SLC37A2: variants seen among roughly 807,000 people sequenced by gnomAD.
SLC37A2 encodes solute carrier family 37 member 2, also known as glucose-6-phosphate exchanger SLC37A2.
Under a neutral mutation model 70.7 loss-of-function variants are expected in SLC37A2, and 59 were observed. The observed-to-expected ratio is 0.83, with a 90% CI of 0.68 to 1.04. The LOEUF is 1.04. Among genes scored for constraint, SLC37A2 ranks in the 50% least tolerant of loss-of-function variants. The pLI, the probability that SLC37A2 is intolerant of heterozygous loss-of-function variation, is 0.00. For missense variants in SLC37A2, 580 were observed against 658.1 expected (o/e 0.88, Z 1.30); for synonymous variants, 257 against 262.1 (o/e 0.98, Z 0.19).
Position 125,069,984 on chromosome 11 carries a change from C to G in SLC37A2, c.59+6558C>G, listed in dbSNP as rs117426539. 7.0e-4 allele frequency among the ~76,000 whole-genome samples: 107 copies of G among 152,358 alleles called. 2 individuals are homozygous for G. The East Asian group carries it at 0.017, about 25-fold the overall frequency. On this transcript the variant is annotated intron_variant, in intron 1 of 17. Coordinates refer to ENST00000403796, the MANE Select transcript of SLC37A2 (RefSeq NM_001145290.2). ...TCTGTGTGGGTGCGTCTGGGGGCAG[C>G]TGGCAGCATGGGAGATGACTGTGGC...
chr11:125,081,410 T>G lies in SLC37A2; in HGVS notation c.695-11T>G. ...TTGGGAAACTTCTTAGAAAGCGATT[T>G]TTTTTTCTAGACCCAGAAGATGTGG... is the stretch of plus-strand genomic sequence containing the variant. On this transcript the variant is annotated splice_polypyrimidine_tract_variant and intron_variant, in intron 7 of 17. Coordinates refer to ENST00000403796, the MANE Select transcript of SLC37A2 (RefSeq NM_001145290.2). The G allele has an allele frequency of 1.2e-6, 2 of 1,603,908 alleles. No individual in the cohort carries two copies. Among genetic ancestry groups the G allele is most frequent in the Non-Finnish European group, 1.7e-6 (2 of 1,174,940 alleles).
Position 125,083,697 on chromosome 11 carries a change from C to A in SLC37A2, c.977-118C>A. 1 of 907,460 alleles carries A rather than the reference C, an allele frequency of 1.1e-6. No homozygotes were observed. Among genetic ancestry groups the A allele is most frequent in the Non-Finnish European group, 1.8e-6 (1 of 561,938 alleles). 56.2% of individuals were successfully genotyped at this position (907,460 alleles called of 1,614,324 possible). On this transcript the variant is annotated intron_variant, in intron 10 of 17. Coordinates refer to ENST00000403796, the MANE Select transcript of SLC37A2 (RefSeq NM_001145290.2). The surrounding 1 kb of genome is among the most constrained non-coding windows in gnomAD (Gnocchi z 4.6). ...GCCAGCCTGCTCCACAGGTCCCCAG[C>A]TCTTCCTCGGAAAAGGGGGCAGTGG...
Position 125,077,535 on chromosome 11 carries a change from A to T in SLC37A2, c.314+7A>T. ...CCATCGGCATGTTCATCAGGTAAGG[A>T]CAGAGGCTGAGCCTATGACCAAGAG... On this transcript the variant is annotated splice_region_variant and intron_variant, in intron 4 of 17. Coordinates refer to ENST00000403796, the MANE Select transcript of SLC37A2 (RefSeq NM_001145290.2). 2 of 1,611,136 alleles carry T rather than the reference A, an allele frequency of 1.2e-6. No homozygotes were observed. Among genetic ancestry groups the T allele is most frequent in the Non-Finnish European group, 1.7e-6 (2 of 1,177,876 alleles).
chr11:125,086,099 G>T (rs377078801), intron 17 of SLC37A2, 81 bp downstream of exon 17: 5 of 1,549,852 alleles, frequency 3.2e-6, no homozygotes, highest in Non-Finnish European at 4.5e-6. Context: ...TTCTCCAAAC[G>T]CAGGCTGAGG....
intron 1 of SLC37A2, among the ~76,000 whole-genome samples, chr11:125,072,060 C>T (rs568067996): frequency 3.3e-5 from 5 of 151,804 alleles, no homozygotes; most frequent in African/African-American, 4.8e-5. Context: ...ACTGGGGAAC[C>T]GGGGCTGTTT....
At position 125,079,116 on chromosome 11, in the gene SLC37A2, G is replaced by A; in HGVS notation, c.319G>A (p.Val107Ile). ...AYAIGMFISG[V>I]FGERLPLRYY... ...ATCCAACTTTCTCTTCCCCAGTGGGGTTTTTGGGGAGCGGCTTCCGCTCCG... is the reference window on the plus strand; with the variant it reads ...ATCCAACTTTCTCTTCCCCAGTGGGATTTTTGGGGAGCGGCTTCCGCTCCG... The change falls in exon 5 of 18, where the codon GTT (valine) becomes ATT (isoleucine). Residue 107 changes from valine (V) to isoleucine (I), a missense_variant. Transcript: ENST00000403796. 1 of 1,614,154 alleles carries A rather than the reference G, an allele frequency of 6.2e-7. No individual in the cohort carries two copies. The highest frequency in any genetic ancestry group is 8.5e-7 in the Non-Finnish European group (1 of 1,179,978).
intron 1 of SLC37A2, among the ~76,000 whole-genome samples, chr11:125,070,199 A>G (rs1330899722): frequency 6.6e-6 from 1 of 152,062 alleles, no homozygotes; most frequent in African/African-American, 2.4e-5. Context: ...TTTTTCCCAC[A>G]CCTCGATCTT....
chr11:125,086,253 T>C (rs1949214167), intron 17 of SLC37A2: 1 of 1,609,698 alleles, frequency 6.2e-7, no homozygotes, highest in Admixed American at 1.7e-5. Context: ...TCAAGTCCCA[T>C]GACTTTTGTG....
Position 125,080,685 on chromosome 11 carries a change from G to A in SLC37A2, c.599G>A (p.Gly200Asp). Residue 200 changes from glycine (G) to aspartate (D), a missense_variant, in exon 7 of 18, where the codon GGC becomes GAC. Gly to Asp is a moderately conservative substitution (Grantham distance 94). Transcript: ENST00000403796. The surrounding 1 kb of genome is among the most constrained non-coding windows in gnomAD (Gnocchi z 4.3). Reference protein sequence around the residue: ...VGNILGSLIAGIWVNGQWGLS... With the variant: ...VGNILGSLIADIWVNGQWGLS... Reference sequence around the variant, plus strand: ...AACATCCTGGGCTCCCTGATCGCCGGCATCTGGGTGAACGGGCAGTGGGGC... The same window carrying A: ...AACATCCTGGGCTCCCTGATCGCCGACATCTGGGTGAACGGGCAGTGGGGC... 1 of 1,585,400 alleles carries A rather than the reference G, an allele frequency of 6.3e-7. No homozygotes were observed. The highest frequency in any genetic ancestry group is 8.6e-7 in the Non-Finnish European group (1 of 1,165,052).
rs2135555102 is a variant in SLC37A2 at position 125,063,474 on chromosome 11, G to A, written c.59+48G>A. Reference sequence around the variant, plus strand: ...GCGTGCCGGGACCTCCTGGGCTCGGGGCTTGCAGGGGCCGCGGGGGGCCTC... The same window carrying A: ...GCGTGCCGGGACCTCCTGGGCTCGGAGCTTGCAGGGGCCGCGGGGGGCCTC... On this transcript the variant is annotated intron_variant, in intron 1 of 17. Coordinates refer to ENST00000403796, the MANE Select transcript of SLC37A2 (RefSeq NM_001145290.2). This position sits in a 1 kb window ranked among gnomAD's most constrained non-coding sequence, Gnocchi z 5.4. The A allele has an allele frequency of 6.5e-7, 1 of 1,547,132 alleles. No individual in the cohort carries two copies. Among genetic ancestry groups the A allele is most frequent in the East Asian group, 2.3e-5 (1 of 43,124 alleles).
At chr11:125,085,255 C>T in intron 14 of SLC37A2, 116 bp downstream of exon 14, 6 of 1,302,298 alleles carry the variant, frequency 4.6e-6, no homozygotes, top group Non-Finnish European at 6.5e-6. Flanking sequence ...CCGTCAAAGT[C>T]CTTCAGAACG....
At chr11:125,076,941 C>G (rs1008839886) in intron 2 of SLC37A2, 103 bp downstream of exon 2, 3 of 1,105,120 alleles carry the variant, frequency 2.7e-6, no homozygotes, top group African/African-American at 3.1e-5. Flanking sequence ...TGGCAGGCTC[C>G]CACTCTCAGT....
chr11:125,086,573 G>A (rs552695615), intron 17 of SLC37A2: 2 of 380,408 alleles, frequency 5.3e-6, no homozygotes, highest in South Asian at 5.1e-5. Context: ...GCCTCCTGAA[G>A]TTCAGAAACC....
At chr11:125,071,309 A>G (rs925018862) in intron 1 of SLC37A2, among the ~76,000 whole-genome samples, 1 of 152,182 alleles carries the variant, frequency 6.6e-6, no homozygotes, top group Non-Finnish European at 1.5e-5. Context: ...ACCTTTCTTC[A>G]GAAGAGACAC....
intron 11 of SLC37A2, 131 bp from the exon 12 acceptor site, chr11:125,084,103 C>T (rs933099444): frequency 5.9e-6 from 6 of 1,017,688 alleles, no homozygotes; most frequent in Non-Finnish European, 9.0e-6. Flanking sequence ...AAGGGGAGGG[C>T]TGTGGAAAAA....
chr11:125,070,071 CAGA>C (rs1308393319), intron 1 of SLC37A2, among the ~76,000 whole-genome samples: 1 of 152,180 alleles, frequency 6.6e-6, no homozygotes, highest in African/African-American at 2.4e-5. Context: ...CCAGAACGTG[CAGA>C]AGAAGAGCCT....
intron 1 of SLC37A2, among the ~76,000 whole-genome samples, chr11:125,076,244 C>T (rs1207701463): frequency 6.6e-6 from 1 of 152,130 alleles, no homozygotes; most frequent in African/African-American, 2.4e-5. Context: ...ACTGCCACTT[C>T]CTTTCCAACT....
At position 125,085,602 on chromosome 11, in the gene SLC37A2, T is replaced by G. The variant is rs1949203092; in HGVS notation, c.1353T>G (p.Ala451=). The G allele has an allele frequency of 6.2e-7, 1 of 1,613,918 alleles. No individual in the cohort carries two copies. Among genetic ancestry groups the G allele is most frequent in the African/African-American group, 1.3e-5 (1 of 75,052 alleles). The change falls in exon 16 of 18, where the codon GCT becomes GCG. Residue 451 remains alanine, a synonymous_variant. Transcript: ENST00000403796. ...GTGCGGCTCTGGGGCCTCTGCTGGC[T>G]GGGCTCATCTCCCCCACGGGCTGGA... is the stretch of plus-strand genomic sequence containing the variant. ...SIGAALGPLL[A]GLISPTGWNN... is the part of the protein sequence containing the mutation.
intron 8 of SLC37A2, 53 bp downstream of exon 8, chr11:125,081,511 G>A: frequency 6.4e-7 from 1 of 1,569,882 alleles, no homozygotes; most frequent in East Asian, 2.3e-5. Context: ...CATCCAGAGG[G>A]CTGGACCCGG....
Sources: gnomAD v4.1 joint callset for allele counts (sites outside exome capture counted in the v4.1 genomes callset) on GRCh38, gnomAD v4.1.1 for gene constraint, Gnocchi (gnomAD v3.1) non-coding constraint, MANE v1.5 for transcripts, NCBI Gene and HGNC (gene_info 2026-07-23, HGNC 2026-07-21) for gene names.